The following RSBN1L variants were observed in gnomAD, a reference collection of about 807,000 sequenced individuals.
The protein encoded by RSBN1L is round spermatid basic protein 1 like.
RSBN1L carries 30 observed loss-of-function variants against 67.7 expected under a neutral mutation model. The observed-to-expected ratio is 0.44, with a 90% CI of 0.33 to 0.60. The LOEUF is 0.60. Among genes scored for constraint, RSBN1L ranks in the 20% least tolerant of loss-of-function variants. The pLI is 0.02. For synonymous variants in RSBN1L, 433 were observed against 387.0 expected (o/e 1.12, Z -1.39); for missense variants, 992 against 1,031.7 (o/e 0.96, Z 0.53).
intron 1 of RSBN1L, among the ~76,000 whole-genome samples, chr7:77,712,780 T>G (rs1790992425): frequency 6.7e-6 from 1 of 148,508 alleles, no homozygotes; most frequent in Non-Finnish European, 1.5e-5. Context: ...TGTGGGACAT[T>G]AGATTCTTTT....
intron 1 of RSBN1L, among the ~76,000 whole-genome samples, chr7:77,712,738 A>G (rs1038865347): frequency 8.5e-5 from 13 of 152,342 alleles, no homozygotes; most frequent in African/African-American, 2.6e-4. Context: ...CATTATATGT[A>G]TAAACCATAA....
intron 3 of RSBN1L, among the ~76,000 whole-genome samples, chr7:77,755,796 C>T (rs766464919): frequency 1.3e-5 from 2 of 152,110 alleles, no homozygotes; most frequent in African/African-American, 4.8e-5. Context: ...CTGATAAACC[C>T]GTAATAAAGT....
intron 1 of RSBN1L, among the ~76,000 whole-genome samples, chr7:77,731,146 C>T (rs977930175): frequency 3.3e-5 from 5 of 151,974 alleles, no homozygotes; most frequent in Non-Finnish European, 7.4e-5. Context: ...GTATCTTGTC[C>T]TATGCTTATT....
intron 1 of RSBN1L, among the ~76,000 whole-genome samples, chr7:77,711,452 G>T (rs969081435): frequency 2.7e-5 from 4 of 150,900 alleles, no homozygotes; most frequent in African/African-American, 4.9e-5. Flanking sequence ...CGGTCCCCTT[G>T]CCCCAGCCTC....
rs531146440 is a variant in RSBN1L at position 77,768,420 on chromosome 7, C to T, written c.1483-241C>T. ...AAATGATGAATATAGTGAATCATAC[C>T]TCTAGCAGGGTATAGGGACAGAACC... On this transcript the variant is annotated intron_variant, in intron 4 of 7. Transcript: ENST00000334955. 269 of 395,806 alleles carry T rather than the reference C, an allele frequency of 6.8e-4. 2 individuals are homozygous for T. Among genetic ancestry groups the T allele is most frequent in the Middle Eastern group, 6.8e-4 (1 of 1,468 alleles). 24.5% of individuals were successfully genotyped at this position (395,806 alleles called of 1,614,324 possible). A position where few individuals can be genotyped will look rare whatever the true frequency, so the allele number is the denominator to read the frequency against.
intron 1 of RSBN1L, among the ~76,000 whole-genome samples, chr7:77,714,705 G>T (rs1352895732): frequency 3.9e-5 from 6 of 152,122 alleles, no homozygotes; most frequent in Non-Finnish European, 8.8e-5. Context: ...GCTCACACCT[G>T]TAATCCCAGC....
At chr7:77,710,230 T>C (rs2150413220) in intron 1 of RSBN1L, among the ~76,000 whole-genome samples, 1 of 152,338 alleles carries the variant, frequency 6.6e-6, no homozygotes, top group Non-Finnish European at 1.5e-5. Context: ...TAACCAGATA[T>C]CTAAATGCAT....
chr7:77,745,262 CAAA>C (rs372240966), intron 2 of RSBN1L, among the ~76,000 whole-genome samples: 4 of 74,826 alleles, frequency 5.3e-5, no homozygotes, highest in East Asian at 3.4e-4. Context: ...AACTCCGTCT[CAAA>C]AAAAAAAAAA....
At chr7:77,761,919 CATT>C (rs1316173686) in intron 3 of RSBN1L, among the ~76,000 whole-genome samples, 1 of 152,056 alleles carries the variant, frequency 6.6e-6, no homozygotes, top group Non-Finnish European at 1.5e-5. Context: ...GGGTGATCAT[CATT>C]TTATCTTTAC....
chr7:77,703,477 G>GTTGTT (rs1790845776), intron 1 of RSBN1L, among the ~76,000 whole-genome samples: 28 of 61,604 alleles, frequency 4.5e-4, no homozygotes, highest in African/African-American at 1.8e-3. Flanking sequence ...TACTGTTTGG[G>GTTGTT]TTTTTTTTTT....
intron 4 of RSBN1L, 29 bp downstream of exon 4, chr7:77,765,661 GT>G (rs572944948): frequency 5.5e-4 from 762 of 1,390,908 alleles, no homozygotes; most frequent in South Asian, 1.6e-3. Context: ...TGGGATTAGA[GT>G]TTTTTTTTTA....
intron 2 of RSBN1L, among the ~76,000 whole-genome samples, chr7:77,744,796 T>C (rs1791459996): frequency 6.6e-6 from 1 of 152,224 alleles, no homozygotes. Context: ...GTTGACAGAT[T>C]ACTGTTTTTG....
chr7:77,705,144 T>G, intron 1 of RSBN1L, among the ~76,000 whole-genome samples: 1 of 152,300 alleles, frequency 6.6e-6, no homozygotes, highest in Admixed American at 6.5e-5. Context: ...TTTTCCAGAT[T>G]AGCTCTTGTT....
intron 1 of RSBN1L, among the ~76,000 whole-genome samples, chr7:77,700,234 A>T (rs1033106229): frequency 6.6e-6 from 1 of 152,192 alleles, no homozygotes; most frequent in Non-Finnish European, 1.5e-5. Context: ...GTGGACATAT[A>T]CCAAGGGTAT....
intron 3 of RSBN1L, among the ~76,000 whole-genome samples, chr7:77,758,971 C>T (rs1236835626): frequency 2.0e-5 from 3 of 152,138 alleles, no homozygotes; most frequent in Non-Finnish European, 4.4e-5. Flanking sequence ...AACTCTAAAT[C>T]TTATTTTTAT....
intron 1 of RSBN1L, among the ~76,000 whole-genome samples, chr7:77,733,264 A>G (rs1791293695): frequency 6.6e-6 from 1 of 152,240 alleles, no homozygotes; most frequent in Non-Finnish European, 1.5e-5. Context: ...GTGTGGGTTA[A>G]GGACAGAAGT....
chr7:77,763,538 G>A (rs1469720990), intron 3 of RSBN1L, among the ~76,000 whole-genome samples: 1 of 152,130 alleles, frequency 6.6e-6, no homozygotes, highest in Non-Finnish European at 1.5e-5. Context: ...ATTTCTTACT[G>A]TGCTGCTATT....
rs1477032775 is a variant in RSBN1L, at chr7:77,779,176, T to C, written c.*8T>C. Reference sequence around the variant, plus strand: ...GATGACATTTTGTGCTAAATTTGCATATACCATCTAAAATCCTTTTTTAAA... The same window carrying C: ...GATGACATTTTGTGCTAAATTTGCACATACCATCTAAAATCCTTTTTTAAA... On this transcript the variant is annotated 3_prime_UTR_variant, in exon 8 of 8. Transcript: ENST00000334955. 6.4e-6 allele frequency: 10 copies of C among 1,550,676 alleles called. No homozygotes were observed. The Admixed American group carries it at 2.2e-4, about 33-fold the overall frequency.
chr7:77,717,028 A>G (rs1318911502), intron 1 of RSBN1L, among the ~76,000 whole-genome samples: 3 of 150,862 alleles, frequency 2.0e-5, no homozygotes, highest in Non-Finnish European at 2.9e-5. Context: ...TGGCGTAATC[A>G]TAGCTCATTG....
Sources: gnomAD v4.1 joint callset for allele counts (sites outside exome capture counted in the v4.1 genomes callset) on GRCh38, gnomAD v4.1.1 for gene constraint, MANE v1.5 for transcripts, NCBI Gene and HGNC (gene_info 2026-07-23, HGNC 2026-07-21) for gene names.